Variants in MPP7 observed in about 807,000 individuals in gnomAD.
The protein encoded by MPP7 is MAGUK p55 scaffold protein 7.
A neutral mutation model predicts 76.5 loss-of-function variants in MPP7; 60 were observed. The ratio of observed to expected loss-of-function variants is 0.78; its 90% CI spans 0.64 to 0.97. The LOEUF (loss-of-function observed/expected upper bound fraction) is 0.97, where lower values mean the gene tolerates loss of function less well. MPP7 is among the 50% of genes least tolerant of loss of function. The pLI, the probability that MPP7 is intolerant of heterozygous loss-of-function variation, is 0.00. For missense variants in MPP7, 641 were observed against 694.0 expected, an observed-to-expected ratio of 0.92 and a Z score of 0.86; for synonymous variants, 237 against 244.5, an observed-to-expected ratio of 0.97 and a Z score of 0.29.
At chr10:28,125,601 A>T (rs891652665) in intron 6 of MPP7, among the ~76,000 whole-genome samples, 16 of 150,998 alleles carry the variant, frequency 1.1e-4, no homozygotes, top group Middle Eastern at 3.2e-3. Flanking sequence ...TAGTAAAAAA[A>T]TAAAAATTTA....
chr10:28,330,189 T>C (rs1589050515), intron 1 of MPP7, among the ~76,000 whole-genome samples: 1 of 152,306 alleles, frequency 6.6e-6, no homozygotes, highest in Non-Finnish European at 1.5e-5. Context: ...CAACGACAAC[T>C]ATAAATGCTG....
upstream of MPP7, among the ~76,000 whole-genome samples, chr10:28,307,298 C>T (rs1841264344): frequency 6.6e-6 from 1 of 152,144 alleles, no homozygotes; most frequent in African/African-American, 2.4e-5. Flanking sequence ...CTTCCAGACA[C>T]CCAGTACCCT....
chr10:28,265,061 C>T (rs756522919), intron 1 of MPP7, among the ~76,000 whole-genome samples: 1 of 152,130 alleles, frequency 6.6e-6, no homozygotes, highest in African/African-American at 2.4e-5. Context: ...ACTCAGGATG[C>T]ACCTCCCATT....
At chr10:28,099,512 C>A (rs1255181355) in intron 11 of MPP7, among the ~76,000 whole-genome samples, 1 of 152,146 alleles carries the variant, frequency 6.6e-6, no homozygotes, top group African/African-American at 2.4e-5. Flanking sequence ...CTCTAAAGTT[C>A]CTAAGGTTTA....
chr10:28,116,249 A>C (rs1025576430), intron 11 of MPP7, among the ~76,000 whole-genome samples: 1 of 152,192 alleles, frequency 6.6e-6, no homozygotes, highest in Admixed American at 6.5e-5. Context: ...AGATTTCAAT[A>C]GAAAAGCAAC....
intron 11 of MPP7, chr10:28,119,051 A>G (rs1834745903): frequency 2.0e-6 from 2 of 985,420 alleles, no homozygotes; most frequent in Non-Finnish European, 2.4e-6. Context: ...AAAAGCTGAC[A>G]GAAGATTAGG....
At chr10:28,305,135 C>G (rs929524034), upstream of MPP7, among the ~76,000 whole-genome samples, 3 of 152,112 alleles carry the variant, frequency 2.0e-5, no homozygotes, top group Non-Finnish European at 4.4e-5. Context: ...TAAGAAAACA[C>G]CAACTTAGCA....
At chr10:28,320,265 T>C (rs565761444) in intron 2 of MPP7, among the ~76,000 whole-genome samples, 6 of 152,198 alleles carry the variant, frequency 3.9e-5, no homozygotes, top group Non-Finnish European at 7.3e-5. Context: ...AGCAATGAGC[T>C]GTATATGTCT....
intron 5 of MPP7, among the ~76,000 whole-genome samples, chr10:28,133,107 G>A (rs745954748): frequency 2.0e-5 from 3 of 152,150 alleles, no homozygotes; most frequent in Non-Finnish European, 4.4e-5. Context: ...TACATAAAAA[G>A]CTGTCAGGTC....
chr10:28,241,401 T>C (rs1286886753), intron 1 of MPP7, among the ~76,000 whole-genome samples: 1 of 152,178 alleles, frequency 6.6e-6, no homozygotes, highest in Non-Finnish European at 1.5e-5. Flanking sequence ...TCAGACCATA[T>C]ACAAGCATAT....
At chr10:28,327,656 T>TG (rs1435441295) in intron 2 of MPP7, among the ~76,000 whole-genome samples, 1 of 152,188 alleles carries the variant, frequency 6.6e-6, no homozygotes, top group Admixed American at 6.5e-5. Context: ...TTTTAACCAA[T>TG]GGGGGTGAAT....
At chr10:28,191,778 T>C (rs1237181963) in intron 3 of MPP7, among the ~76,000 whole-genome samples, 1 of 152,176 alleles carries the variant, frequency 6.6e-6, no homozygotes, top group Non-Finnish European at 1.5e-5. Context: ...ATGTAATCTA[T>C]CACATCAATA....
At chr10:28,223,207 T>C (rs544163359) in intron 2 of MPP7, among the ~76,000 whole-genome samples, 14 of 152,280 alleles carry the variant, frequency 9.2e-5, no homozygotes, top group East Asian at 3.9e-4. Flanking sequence ...TATGCTCTCT[T>C]AAATTTAAGA....
chr10:28,066,676 T>C (rs1480141448), intron 13 of MPP7, among the ~76,000 whole-genome samples: 1 of 152,214 alleles, frequency 6.6e-6, no homozygotes, highest in Non-Finnish European at 1.5e-5. Context: ...GAATCACCTC[T>C]TGAGTTCCTG....
intron 5 of MPP7, among the ~76,000 whole-genome samples, chr10:28,146,415 T>A (rs1166673310): frequency 6.6e-6 from 1 of 150,420 alleles, no homozygotes; most frequent in African/African-American, 2.4e-5. Flanking sequence ...GTTTTTTTTT[T>A]TTTTGAGACG....
intron 2 of MPP7, among the ~76,000 whole-genome samples, chr10:28,320,110 A>T (rs1834351435): frequency 6.6e-6 from 1 of 152,210 alleles, no homozygotes; most frequent in Non-Finnish European, 1.5e-5. Flanking sequence ...TAAAGGAGTC[A>T]GTTAGTGACT....
chr10:28,137,750 A>C (rs1399293472), intron 5 of MPP7, among the ~76,000 whole-genome samples: 2 of 152,208 alleles, frequency 1.3e-5, no homozygotes, highest in African/African-American at 4.8e-5. Flanking sequence ...GCAATACTTA[A>C]ATGGAAATTG....
Position 28,052,793 on chromosome 10 carries a change from C to A in MPP7, c.*1272G>T, listed in dbSNP as rs1360059458. ...CAACAAAAAAATAACATTTTTTTTTCCACTTTGAAAGTCACAGATGCAATG... is the reference window on the plus strand; with the variant it reads ...CAACAAAAAAATAACATTTTTTTTTACACTTTGAAAGTCACAGATGCAATG... On this transcript the variant is annotated 3_prime_UTR_variant, in exon 17 of 17. Coordinates refer to ENST00000683449, the MANE Select transcript of MPP7 (RefSeq NM_001318170.2). The A allele has an allele frequency of 6.6e-6, 1 of 151,110 alleles. No homozygotes were observed. The highest frequency in any genetic ancestry group is 1.5e-5 in the Non-Finnish European group (1 of 67,808). The allele number at this position is 151,110 out of a possible 1,614,324, so 9.4% of individuals were successfully genotyped here.
upstream of MPP7, among the ~76,000 whole-genome samples, chr10:28,305,153 A>G (rs1841244940): frequency 6.6e-6 from 1 of 152,234 alleles, no homozygotes; most frequent in Admixed American, 6.5e-5. Context: ...GCAAAACTCC[A>G]GGGCAGATAA....
Sources: allele counts gnomAD v4.1 joint callset (sites outside exome capture counted in the v4.1 genomes callset), GRCh38; gene constraint gnomAD v4.1.1; transcripts MANE v1.5; gene names NCBI Gene and HGNC (gene_info 2026-07-23, HGNC 2026-07-21).